The following PKIG variants were observed in gnomAD, a reference collection of about 807,000 sequenced individuals.
PKIG encodes protein kinase (cAMP-dependent, catalytic) inhibitor gamma.
PKIG carries 1 observed loss-of-function variant against 6.8 expected under a neutral mutation model. That is an observed-to-expected ratio of 0.15 (90% CI 0.05 to 0.69). The LOEUF is 0.69. PKIG is among the 30% of genes least tolerant of loss of function. The pLI is 0.82. For missense variants in PKIG, 77 were observed against 104.0 expected, an observed-to-expected ratio of 0.74 and a Z score of 1.13; for synonymous variants, 39 against 43.0, an observed-to-expected ratio of 0.91 and a Z score of 0.36.
intron 1 of PKIG, among the ~76,000 whole-genome samples, chr20:44,574,947 C>A (rs1184367934): frequency 1.3e-5 from 2 of 152,098 alleles, no homozygotes; most frequent in African/African-American, 4.8e-5. Flanking sequence ...ATTAATAATC[C>A]TTTATTATTA....
At position 44,538,911 on chromosome 20, in the gene PKIG, G is replaced by C. The variant is rs190767583; in HGVS notation, c.-241+6933G>C. 1.3e-4 allele frequency among the ~76,000 whole-genome samples: 19 copies of C among 151,918 alleles called. No homozygotes were observed. The East Asian group carries it at 3.7e-3, about 29-fold the overall frequency. On this transcript the variant is annotated intron_variant, in intron 1 of 4. Coordinates refer to the PKIG transcript ENST00000372887. ...TATCTGGAAATACAGATGTGTGTCA[G>C]TGTACCTAGCTTTTTTTTTTTCTTT...
intron 2 of PKIG, among the ~76,000 whole-genome samples, chr20:44,591,779 A>G (rs935272963): frequency 1.3e-5 from 2 of 152,176 alleles, no homozygotes; most frequent in Non-Finnish European, 2.9e-5. Context: ...TTAAAATATC[A>G]TGGATATTTT....
intron 1 of PKIG, among the ~76,000 whole-genome samples, chr20:44,565,269 A>G (rs1273640061): frequency 6.6e-6 from 1 of 152,212 alleles, no homozygotes; most frequent in Non-Finnish European, 1.5e-5. Flanking sequence ...AAAATTTTCC[A>G]TCTACTAAGG....
Position 44,589,867 on chromosome 20 carries a change from G to A in PKIG, c.-24+1G>A, listed in dbSNP as rs2065020571. The A allele has an allele frequency of 6.6e-6, 1 of 152,340 alleles. No homozygotes were observed. The highest frequency in any genetic ancestry group is 6.5e-5 in the Admixed American group (1 of 15,282). The allele number at this position is 152,340 out of a possible 1,614,324, so 9.4% of individuals were successfully genotyped here. A position where few individuals can be genotyped will look rare whatever the true frequency, so the allele number is the denominator to read the frequency against. ...AAGCAGGAAAAAGAAATTAAACCAG[G>A]TAGGTAGTGGCACTGTTCATACTCT... is the stretch of plus-strand genomic sequence containing the variant. On this transcript the variant is annotated splice_donor_variant, in intron 2 of 3. Transcript: ENST00000372886. LOFTEE classifies it low-confidence loss of function (5UTR_SPLICE).
At chr20:44,569,910 C>G (rs2064840945) in intron 1 of PKIG, among the ~76,000 whole-genome samples, 1 of 152,194 alleles carries the variant, frequency 6.6e-6, no homozygotes, top group Non-Finnish European at 1.5e-5. Context: ...ATGAGGATTA[C>G]TTGAGACCAG....
At chr20:44,602,130 A>C (rs2065126374) in intron 2 of PKIG, among the ~76,000 whole-genome samples, 1 of 152,220 alleles carries the variant, frequency 6.6e-6, no homozygotes, top group Admixed American at 6.5e-5. Context: ...AAGATACCAA[A>C]ACCTCCTGAG....
chr20:44,551,678 CA>C (rs1359220956), intron 1 of PKIG, among the ~76,000 whole-genome samples: 2 of 152,270 alleles, frequency 1.3e-5, no homozygotes, highest in Admixed American at 6.5e-5. Flanking sequence ...GTCCTCTAGC[CA>C]GCTGTGCCTG....
chr20:44,534,614 G>A (rs1276498818), intron 1 of PKIG, among the ~76,000 whole-genome samples: 4 of 151,864 alleles, frequency 2.6e-5, no homozygotes, highest in African/African-American at 9.7e-5. Context: ...GAATACAGGT[G>A]CGAGCCACCA....
intron 1 of PKIG, among the ~76,000 whole-genome samples, chr20:44,548,172 G>A (rs2064633575): frequency 6.6e-6 from 1 of 152,014 alleles, no homozygotes; most frequent in Non-Finnish European, 1.5e-5. Flanking sequence ...GAGCAAGACT[G>A]TCTAGAAAAA....
chr20:44,573,460 A>G (rs920875470), intron 1 of PKIG, among the ~76,000 whole-genome samples: 6 of 152,232 alleles, frequency 3.9e-5, no homozygotes, highest in Non-Finnish European at 5.9e-5. Flanking sequence ...CAAGTTACGT[A>G]ACTTTTCCTA....
At chr20:44,541,575 A>G (rs1328497366) in intron 1 of PKIG, among the ~76,000 whole-genome samples, 1 of 152,112 alleles carries the variant, frequency 6.6e-6, no homozygotes, top group Non-Finnish European at 1.5e-5. Context: ...ATATTTTACT[A>G]CCTAAGAAAA....
At chr20:44,599,456 G>A (rs1350470715) in intron 2 of PKIG, among the ~76,000 whole-genome samples, 2 of 152,226 alleles carry the variant, frequency 1.3e-5, no homozygotes, top group African/African-American at 2.4e-5. Flanking sequence ...AGGCACCGTG[G>A]CTCAAGCCTG....
intron 2 of PKIG, among the ~76,000 whole-genome samples, chr20:44,591,415 C>A (rs1228433810): frequency 2.9e-4 from 44 of 152,000 alleles, no homozygotes; most frequent in Non-Finnish European, 2.9e-5. Context: ...AGGAGACTGT[C>A]TAGCTTCAGT....
intron 1 of PKIG, among the ~76,000 whole-genome samples, chr20:44,564,905 C>T (rs533034280): frequency 1.3e-5 from 2 of 152,300 alleles, no homozygotes; most frequent in East Asian, 3.9e-4. Context: ...CATGTATAAA[C>T]CTCTCAGACC....
intron 1 of PKIG, among the ~76,000 whole-genome samples, chr20:44,543,811 C>T (rs776073454): frequency 6.6e-6 from 1 of 152,090 alleles, no homozygotes; most frequent in Non-Finnish European, 1.5e-5. Flanking sequence ...ACCTGTAATC[C>T]CAGCACTGTG....
At chr20:44,609,092 G>A (rs1470041956) in intron 2 of PKIG, among the ~76,000 whole-genome samples, 4 of 152,204 alleles carry the variant, frequency 2.6e-5, no homozygotes, top group South Asian at 2.1e-4. Flanking sequence ...GGTGAGTGAC[G>A]AATATAAATA....
rs73615494 is a variant in PKIG at position 44,597,535 on chromosome 20, T to G, written c.-24+7669T>G. On this transcript the variant is annotated intron_variant, in intron 2 of 3. Transcript: ENST00000372886. ...TATAGAGATAATATCTTGCTTCTTTTCATTCTCCACGGTGTATTTTGGAGA... is the reference window on the plus strand; with the variant it reads ...TATAGAGATAATATCTTGCTTCTTTGCATTCTCCACGGTGTATTTTGGAGA... Among the ~76,000 whole-genome samples the G allele has an allele frequency of 6.3e-3, 959 of 152,334 alleles. 11 individuals carry two copies. The East Asian group carries it at 0.065, about 10-fold the overall frequency.
intron 1 of PKIG, among the ~76,000 whole-genome samples, chr20:44,533,900 C>T (rs963056906): frequency 2.0e-5 from 3 of 152,138 alleles, no homozygotes; most frequent in Admixed American, 2.0e-4. Flanking sequence ...AAAATGTGTC[C>T]TTTTGGGTAA....
chr20:44,562,585 CAGTG>C (rs1226637423), intron 1 of PKIG, among the ~76,000 whole-genome samples: 1 of 100,884 alleles, frequency 9.9e-6, no homozygotes, highest in Admixed American at 1.5e-4. Context: ...CTAGGGGACA[CAGTG>C]AGACCCTGTC....
Sources: allele counts gnomAD v4.1 joint callset (sites outside exome capture counted in the v4.1 genomes callset), GRCh38; gene constraint gnomAD v4.1.1; transcripts MANE v1.5; gene names NCBI Gene and HGNC (gene_info 2026-07-23, HGNC 2026-07-21).